PSMA1: variants seen among roughly 807,000 people sequenced by gnomAD.
PSMA1 encodes the protein proteasome 20S subunit alpha 1.
In PSMA1, 3 loss-of-function variants were observed where a neutral mutation model predicts 38.4. The observed-to-expected ratio is 0.08, with a 90% CI of 0.04 to 0.20. The LOEUF (loss-of-function observed/expected upper bound fraction) is 0.20. Among genes scored for constraint, PSMA1 ranks in the 10% least tolerant of loss-of-function variants. The pLI is 1.00. For missense variants in PSMA1, 227 were observed against 325.3 expected, an observed-to-expected ratio of 0.70 and a Z score of 2.32; for synonymous variants, 101 against 107.1, an observed-to-expected ratio of 0.94 and a Z score of 0.35.
chr11:14,638,539 CTCTCTCTATATATATATATA>C (rs1294968374), intron 1 of PSMA1, among the ~76,000 whole-genome samples: 11 of 19,198 alleles, frequency 5.7e-4, no homozygotes, highest in East Asian at 2.8e-3. Flanking sequence ...CTCTCTCTCT[CTCTCTCTATATATATATATA>C]TATATATATA....
chr11:14,544,588 A>G (rs575850569), intron 2 of PSMA1, among the ~76,000 whole-genome samples: 2 of 152,378 alleles, frequency 1.3e-5, no homozygotes, highest in South Asian at 4.1e-4. Flanking sequence ...GTTCAACATC[A>G]TTAATCATTA....
chr11:14,638,569 ATATATATATATATATATTTTTTTTTTT>A lies in PSMA1; in HGVS notation c.-166+4859_-166+4885del, dbSNP rs1565065518. 2.2e-4 allele frequency among the ~76,000 whole-genome samples: 3 copies of A among 13,618 alleles called. No individual in the cohort carries two copies. In the East Asian group the frequency reaches 6.5e-3, roughly 29 times the overall value. The allele number at this position is 13,618 out of a possible 152,430, so 8.9% of individuals were successfully genotyped here. On this transcript the variant is annotated intron_variant, in intron 1 of 10. Transcript: ENST00000418988. ...TCTATATATATATATATATATATAT[ATATATATATATATATATTTTTTTTTTT>A]TTTTTTTTTTTTTTTTTTTTGGTGC...
At chr11:14,521,346 G>T (rs1011097851), upstream of PSMA1, among the ~76,000 whole-genome samples, 2 of 128,056 alleles carry the variant, frequency 1.6e-5, no homozygotes, top group African/African-American at 5.9e-5. Flanking sequence ...AAAAAAAAAG[G>T]CTGGGCATGT....
At chr11:14,562,628 A>ATT (rs776522565) in intron 2 of PSMA1, among the ~76,000 whole-genome samples, 148 of 144,170 alleles carry the variant, frequency 1.0e-3, no homozygotes, top group African/African-American at 3.6e-3. Flanking sequence ...ATTCATGAGC[A>ATT]TTTTTTTTTT....
chr11:14,532,332 C>T (rs531612757), intron 2 of PSMA1, among the ~76,000 whole-genome samples: 74 of 152,136 alleles, frequency 4.9e-4, no homozygotes, highest in Admixed American at 9.8e-4. Context: ...AGGCCAGGTG[C>T]GGTGGCTCAC....
chr11:14,624,381 C>A (rs1852885921), intron 1 of PSMA1, among the ~76,000 whole-genome samples: 1 of 152,164 alleles, frequency 6.6e-6, no homozygotes, highest in African/African-American at 2.4e-5. Context: ...TGAGCTAACT[C>A]AGAGACCTCT....
At chr11:14,560,187 T>C (rs1331807803) in intron 2 of PSMA1, among the ~76,000 whole-genome samples, 1 of 152,226 alleles carries the variant, frequency 6.6e-6, no homozygotes, top group Admixed American at 6.5e-5. Context: ...GGGATCTGAG[T>C]GGCAAACCAC....
rs1851460495 is a variant in PSMA1 at position 14,517,886 on chromosome 11, T to C, written c.144A>G (p.Ala48=). ...TATTTATTACTGTACTTACTTTCAA[T>C]GCAACCAAAACTGCATGAGTTTTTG... The part of the protein sequence containing the change: ...LKSKTHAVLV[A]LKRAQSELAA... The change falls in exon 3 of 10, where the codon GCA becomes GCG. Residue 48 remains alanine, a synonymous_variant. Transcript: ENST00000396394. 6 of 1,602,334 alleles carry C rather than the reference T, an allele frequency of 3.7e-6. No homozygotes were observed. Among genetic ancestry groups the C allele is most frequent in the Non-Finnish European group, 5.1e-6 (6 of 1,175,426 alleles).
intron 2 of PSMA1, among the ~76,000 whole-genome samples, chr11:14,533,303 CA>C (rs1382824071): frequency 6.6e-6 from 1 of 152,174 alleles, no homozygotes; most frequent in African/African-American, 2.4e-5. Flanking sequence ...GTCATCTCTC[CA>C]CATTGATTTG....
intron 2 of PSMA1, among the ~76,000 whole-genome samples, chr11:14,575,086 A>C (rs887635079): frequency 1.3e-5 from 2 of 152,080 alleles, no homozygotes; most frequent in African/African-American, 4.8e-5. Flanking sequence ...CGGTGATCTC[A>C]GATTGAGATG....
At chr11:14,509,713 GTT>G (rs34597306) in intron 8 of PSMA1, among the ~76,000 whole-genome samples, 3 of 109,944 alleles carry the variant, frequency 2.7e-5, no homozygotes, top group Admixed American at 9.3e-5. Context: ...CAAACCGGTT[GTT>G]TTTTTTTTTT....
At chr11:14,617,408 C>T (rs1455109921) in intron 1 of PSMA1, among the ~76,000 whole-genome samples, 2 of 152,106 alleles carry the variant, frequency 1.3e-5, no homozygotes, top group African/African-American at 4.8e-5. Context: ...CCTTCCTCAA[C>T]CATGTGATTC....
chr11:14,542,752 TA>T (rs1362848055), intron 2 of PSMA1, among the ~76,000 whole-genome samples: 1 of 152,228 alleles, frequency 6.6e-6, no homozygotes, highest in African/African-American at 2.4e-5. Context: ...TCCAGAGAAG[TA>T]AGGATATATA....
intron 1 of PSMA1, among the ~76,000 whole-genome samples, chr11:14,633,563 A>G (rs1026657144): frequency 2.0e-5 from 3 of 152,176 alleles, no homozygotes; most frequent in Non-Finnish European, 4.4e-5. Context: ...GGGACATTTA[A>G]GTCTGCAGAG....
At chr11:14,642,470 C>A (rs1017160634) in intron 1 of PSMA1, among the ~76,000 whole-genome samples, 3 of 152,126 alleles carry the variant, frequency 2.0e-5, no homozygotes, top group Non-Finnish European at 4.4e-5. Flanking sequence ...TGGTTAAATT[C>A]TTGTGCTAAT....
intron 2 of PSMA1, among the ~76,000 whole-genome samples, chr11:14,599,740 G>C (rs1001782515): frequency 6.6e-6 from 1 of 152,108 alleles, no homozygotes; most frequent in African/African-American, 2.4e-5. Context: ...GCCTACTTCT[G>C]TCCACTCATC....
intron 2 of PSMA1, among the ~76,000 whole-genome samples, chr11:14,608,859 G>T (rs1852675707): frequency 6.6e-6 from 1 of 151,846 alleles, no homozygotes; most frequent in Admixed American, 6.6e-5. Context: ...TGCAAGTTAA[G>T]TCTAAATAAG....
intron 1 of PSMA1, among the ~76,000 whole-genome samples, chr11:14,634,249 T>G (rs931691213): frequency 6.6e-6 from 1 of 152,198 alleles, no homozygotes; most frequent in South Asian, 2.1e-4. Flanking sequence ...CCAAAAAGGT[T>G]GGGACTGCTG....
chr11:14,634,663 C>G (rs1404677431), intron 1 of PSMA1, among the ~76,000 whole-genome samples: 1 of 151,978 alleles, frequency 6.6e-6, no homozygotes, highest in Non-Finnish European at 1.5e-5. Flanking sequence ...GCTTTCTATG[C>G]CCATGATACA....
Sources: allele counts gnomAD v4.1 joint callset (sites outside exome capture counted in the v4.1 genomes callset), GRCh38; gene constraint gnomAD v4.1.1; transcripts MANE v1.5; gene names NCBI Gene and HGNC (gene_info 2026-07-23, HGNC 2026-07-21).